AVIL: variants seen among roughly 807,000 people sequenced by gnomAD.
AVIL encodes the protein advillin.
In AVIL, 78 loss-of-function variants were observed where a neutral mutation model predicts 109.9. The observed-to-expected ratio is 0.71, with a 90% CI of 0.59 to 0.86. The LOEUF (loss-of-function observed/expected upper bound fraction) is 0.86. Among genes scored for constraint, AVIL ranks in the 40% least tolerant of loss-of-function variants. The probability of loss-of-function intolerance (pLI) is 0.00; values close to 1 mark genes in which losing one functional copy is unlikely to be tolerated. For synonymous variants in AVIL, 367 were observed against 379.1 expected, an observed-to-expected ratio of 0.97 and a Z score of 0.37; for missense variants, 892 against 1,016.5, an observed-to-expected ratio of 0.88 and a Z score of 1.67.
chr12:57,798,957 G>A (rs574820921), intron 19 of AVIL, among the ~76,000 whole-genome samples: 1 of 152,234 alleles, frequency 6.6e-6, no homozygotes, highest in South Asian at 2.1e-4. Context: ...ATTCATTCAC[G>A]CAAAACTTAA....
intron 9 of AVIL, 141 bp downstream of exon 9, chr12:57,809,456 G>C: frequency 1.1e-6 from 1 of 945,142 alleles, no homozygotes; most frequent in Non-Finnish European, 1.6e-6. Flanking sequence ...TTGAATCCCA[G>C]TTTGTCTGCC....
At chr12:57,814,293 TCCTC>T in intron 2 of AVIL, 67 bp from the exon 3 acceptor site, 1 of 1,466,208 alleles carries the variant, frequency 6.8e-7, no homozygotes, top group East Asian at 2.4e-5. Flanking sequence ...AGCCTCCCTC[TCCTC>T]TCTGTCATTC....
Position 57,803,372 on chromosome 12 carries a change from C to T in AVIL, c.1837G>A (p.Asp613Asn), listed in dbSNP as rs775578084. Reference sequence around the variant, plus strand: ...CATTCAAAGAGACGAGACTGGACATCTAGGATTTCCTGCTGAAGTCTGCAA... The same window carrying T: ...CATTCAAAGAGACGAGACTGGACATTTAGGATTTCCTGCTGAAGTCTGCAA... ...NDKRLQQEIL[D>N]VQSRLFECSN... Residue 613 changes from aspartate (D) to asparagine (N), a missense_variant, in exon 16 of 20, where the codon GAT becomes AAT. Physicochemically the swap from Asp to Asn is conservative, Grantham distance 23. Coordinates refer to ENST00000549994, the MANE Select transcript of AVIL (RefSeq NM_006576.4). 3 of 1,614,072 alleles carry T rather than the reference C, an allele frequency of 1.9e-6. No individual in the cohort carries two copies. The highest frequency in any genetic ancestry group is 2.7e-5 in the African/African-American group (2 of 74,926).
chr12:57,802,089 ACCTT>A, intron 17 of AVIL, 67 bp downstream of exon 17: 1 of 1,530,092 alleles, frequency 6.5e-7, no homozygotes, highest in South Asian at 1.2e-5. Flanking sequence ...TCAGTACTCC[ACCTT>A]CCTGCCCACT....
Position 57,803,651 on chromosome 12 carries a change from G to C in AVIL, c.1690C>G (p.Arg564Gly), listed in dbSNP as rs199694346. 1.9e-5 allele frequency: 31 copies of C among 1,614,048 alleles called. No homozygotes were observed. The highest frequency in any genetic ancestry group is 3.3e-5 in the South Asian group (3 of 91,078). ...WYGKGSSGDE[R>G]AMAKELASLL... ...CTGGCCAGCTCCTTAGCCATTGCCC[G>C]CTCATCCCCACTAGACCCCTGAGAG... Residue 564 changes from arginine to glycine, a missense_variant, in exon 15 of 20, where the codon CGG becomes GGG. By Grantham distance (125) the Arg-to-Gly change is moderately radical. Coordinates refer to ENST00000549994, the MANE Select transcript of AVIL (RefSeq NM_006576.4).
In AVIL at chr12:57,808,256, G is replaced by T. The variant is rs1436914905; in HGVS notation, c.1132C>A (p.His378Asn). Residue 378 changes from histidine to asparagine, a missense_variant, in exon 11 of 20, where the codon CAC becomes AAC. His to Asn is a moderately conservative substitution (Grantham distance 68). Coordinates refer to ENST00000549994, the MANE Select transcript of AVIL (RefSeq NM_006576.4). ...TGGGCAGCTACCTCTGGCTTGGTGT[G>T]TAGCAGAGTCACATCAAATTTATCC... ...FQDKFDVTLL[H>N]TKPEVAAQER... is the part of the protein sequence containing the mutation. 6.2e-7 allele frequency: 1 copy of T among 1,614,174 alleles called. No homozygotes were observed.
chr12:57,806,706 A>G (rs1334567885), intron 13 of AVIL, 167 bp from the exon 14 acceptor site: 2 of 666,560 alleles, frequency 3.0e-6, no homozygotes, highest in Non-Finnish European at 5.0e-6. Context: ...CACCGATAAC[A>G]ACAACTTTCA....
At chr12:57,801,086 G>C in intron 18 of AVIL, 58 bp downstream of exon 18, 1 of 1,436,528 alleles carries the variant, frequency 7.0e-7, no homozygotes, top group South Asian at 1.2e-5. Context: ...GCATTTGTGT[G>C]TTCTCTGGCT....
At position 57,807,338 on chromosome 12, in the gene AVIL, A is replaced by G. The variant is rs1205974140; in HGVS notation, c.1484T>C (p.Ile495Thr). 2 of 1,614,108 alleles carry G rather than the reference A, an allele frequency of 1.2e-6. No homozygotes were observed. The change falls in exon 13 of 20, where the codon ATC (isoleucine) becomes ACC (threonine). Residue 495 changes from isoleucine to threonine, a missense_variant. Physicochemically the swap from Ile to Thr is moderately conservative, Grantham distance 89. Coordinates refer to ENST00000549994, the MANE Select transcript of AVIL (RefSeq NM_006576.4). ...FMAIFKGKLV[I>T]FEGGTSRKGN... is the part of the protein sequence containing the mutation. ...TTATCAGAGCATCCTCACCTCAAAG[A>G]TAACTAGCTTCCCTTTGAAGATGGC...
Position 57,803,634 on chromosome 12 carries a change from C to T in AVIL, c.1707G>A (p.Glu569=), listed in dbSNP as rs1231715675. The part of the protein sequence containing the change: ...SSGDERAMAK[E]LASLLCDGSE... ...TGCCATCACAGAGAAGGCTGGCCAG[C>T]TCCTTAGCCATTGCCCGCTCATCCC... The change falls in exon 15 of 20, where the codon GAG becomes GAA. Residue 569 remains glutamate (E), a synonymous_variant. Coordinates refer to ENST00000549994, the MANE Select transcript of AVIL (RefSeq NM_006576.4). 1 of 1,614,184 alleles carries T rather than the reference C, an allele frequency of 6.2e-7. No homozygotes were observed. Among genetic ancestry groups the T allele is most frequent in the South Asian group, 1.1e-5 (1 of 91,082 alleles).
Position 57,808,442 on chromosome 12 carries a change from T to C in AVIL, c.1046A>G (p.Lys349Arg), listed in dbSNP as rs1955986939. ...FKQLFQKWSV[K>R]DQTMGLGKTF... The stretch of plus-strand genomic sequence containing the variant: ...TTTCCCCAGGCCCATGGTCTGGTCC[T>C]TTACTGACCACTTCTGGAACAGCTG... Residue 349 changes from lysine to arginine, a missense_variant, in exon 10 of 20, where the codon AAG (lysine) becomes AGG (arginine). Physicochemically the swap from Lys to Arg is conservative, Grantham distance 26. Coordinates refer to ENST00000549994, the MANE Select transcript of AVIL (RefSeq NM_006576.4). 1 of 1,614,210 alleles carries C rather than the reference T, an allele frequency of 6.2e-7. No homozygotes were observed. Among genetic ancestry groups the C allele is most frequent in the Non-Finnish European group, 8.5e-7 (1 of 1,180,032 alleles).
intron 4 of AVIL, among the ~76,000 whole-genome samples, 154 bp from the exon 5 acceptor site, chr12:57,811,281 C>CT (rs1265561316): frequency 6.6e-6 from 1 of 152,174 alleles, no homozygotes; most frequent in Non-Finnish European, 1.5e-5. Context: ...CACAAGTAGA[C>CT]TGGGTGAGTG....
chr12:57,815,572 C>T lies in AVIL; in HGVS notation c.66+403G>A, dbSNP rs756745114. On this transcript the variant is annotated intron_variant, in intron 2 of 19. Coordinates refer to ENST00000549994, the MANE Select transcript of AVIL (RefSeq NM_006576.4). The stretch of plus-strand genomic sequence containing the variant: ...ACAGCTCCTCATCTCTGCAGTGCCC[C>T]CTCACCTCTCCCCATATTTTGTAGG... 1.8e-5 allele frequency: 23 copies of T among 1,247,846 alleles called. No individual in the cohort carries two copies. In the South Asian group the frequency reaches 2.7e-4, roughly 14 times the overall value. The allele number at this position is 1,247,846 out of a possible 1,614,324, so 77.3% of individuals were successfully genotyped here.
chr12:57,801,510 C>T (rs908656407), intron 17 of AVIL: 30 of 227,402 alleles, frequency 1.3e-4, no homozygotes, highest in Non-Finnish European at 1.8e-4. Flanking sequence ...GAGGCTGAGG[C>T]GGGTGGATCA....
chr12:57,800,113 G>A lies in AVIL; in HGVS notation c.2221-193C>T, dbSNP rs558317211. 2.2e-4 allele frequency: 163 copies of A among 726,690 alleles called. No individual in the cohort carries two copies. In the African/African-American group the frequency reaches 2.6e-3, roughly 11 times the overall value. The allele number at this position is 726,690 out of a possible 1,614,324, so 45.0% of individuals were successfully genotyped here. On this transcript the variant is annotated intron_variant, in intron 18 of 19. Transcript: ENST00000549994. ...GGAATAGAAAATATTCAGATTTTGG[G>A]GTTGTTCTTGGGAAAGCTGATTCAG...
intron 16 of AVIL, 89 bp downstream of exon 16, chr12:57,803,157 TG>T: frequency 6.5e-7 from 1 of 1,528,212 alleles, no homozygotes; most frequent in East Asian, 2.3e-5. Context: ...AGGGCTACCC[TG>T]GGTTTATTCT....
Position 57,802,268 on chromosome 12 carries a change from AGT to A in AVIL, c.2041_2042del (p.Thr681SerfsTer15). ...ALATAQQYLH[T>X]HPSGRDPDTP... ...TGTCGGGATCTCGGCCGCTGGGGTGAGTGTGCAGGTACTGCTGTGCTGTGGCA... is the reference window on the plus strand; with the variant it reads ...TGTCGGGATCTCGGCCGCTGGGGTGAGTGCAGGTACTGCTGTGCTGTGGCA... On this transcript the variant is annotated frameshift_variant, in exon 17 of 20. Transcript: ENST00000549994. LOFTEE classifies it high-confidence loss of function. The A allele has an allele frequency of 6.2e-7, 1 of 1,613,972 alleles. No individual in the cohort carries two copies. The highest frequency in any genetic ancestry group is 8.5e-7 in the Non-Finnish European group (1 of 1,179,924).
chr12:57,799,203 C>T (rs1955796781), intron 19 of AVIL, among the ~76,000 whole-genome samples: 1 of 152,122 alleles, frequency 6.6e-6, no homozygotes, highest in Non-Finnish European at 1.5e-5. Context: ...GGTGCTGGTG[C>T]TGTGATGATT....
rs1183567287 is a variant in AVIL at position 57,808,415 on chromosome 12, G to A, written c.1073C>T (p.Thr358Met). The change falls in exon 10 of 20, where the codon ACG becomes ATG. Residue 358 changes from threonine to methionine, a missense_variant. Physicochemically the swap from Thr to Met is moderately conservative, Grantham distance 81. Coordinates refer to ENST00000549994, the MANE Select transcript of AVIL (RefSeq NM_006576.4). ...CTCACCAATTTTACCAATGCTGAAC[G>A]TTTTCCCCAGGCCCATGGTCTGGTC... ...VKDQTMGLGK[T>M]FSIGKIAKVF... is the part of the protein sequence containing the mutation. 10 of 1,614,152 alleles carry A rather than the reference G, an allele frequency of 6.2e-6. No homozygotes were observed. The highest frequency in any genetic ancestry group is 1.3e-5 in the African/African-American group (1 of 75,032).
Sources: allele counts gnomAD v4.1 joint callset (sites outside exome capture counted in the v4.1 genomes callset), GRCh38; gene constraint gnomAD v4.1.1; transcripts MANE v1.5; gene names NCBI Gene and HGNC (gene_info 2026-07-23, HGNC 2026-07-21).